Variants in CDH12 observed in about 807,000 individuals in gnomAD.
CDH12 encodes cadherin 12, also known as cadherin-12.
A neutral mutation model predicts 74.1 loss-of-function variants in CDH12; 41 were observed. The ratio of observed to expected loss-of-function variants is 0.55; its 90% CI spans 0.43 to 0.72. CDH12 has a LOEUF of 0.72. CDH12 is among the 30% of genes least tolerant of loss of function. The pLI, the probability that CDH12 is intolerant of heterozygous loss-of-function variation, is 0.00. For synonymous variants in CDH12, 399 were observed against 355.0 expected (o/e 1.12, Z -1.39); for missense variants, 945 against 977.2 (o/e 0.97, Z 0.44).
chr5:22,793,413 T>C (rs1285340852), intron 1 of CDH12, among the ~76,000 whole-genome samples: 1 of 152,236 alleles, frequency 6.6e-6, no homozygotes, highest in African/African-American at 2.4e-5. Context: ...GTTTTCAAGT[T>C]ACCACTTTAA....
chr5:22,691,658 C>G (rs1742089658), intron 1 of CDH12, among the ~76,000 whole-genome samples: 1 of 152,152 alleles, frequency 6.6e-6, no homozygotes, highest in Admixed American at 6.5e-5. Flanking sequence ...TATAATGCCT[C>G]CAGTGGAAGC....
chr5:21,889,614 G>A lies in CDH12; in HGVS notation c.527-34824C>T, dbSNP rs760903921. 4.1e-6 allele frequency: 4 copies of A among 985,192 alleles called. No individual in the cohort carries two copies. In the South Asian group the frequency reaches 1.4e-4, roughly 35 times the overall value. The allele number at this position is 985,192 out of a possible 1,614,324, so 61.0% of individuals were successfully genotyped here. On this transcript the variant is annotated intron_variant, in intron 6 of 14. Coordinates refer to ENST00000382254, the MANE Select transcript of CDH12 (RefSeq NM_004061.5). The stretch of plus-strand genomic sequence containing the variant: ...AGAAGCCTCTTTCCAGTCTGTGTTC[G>A]CATGTGTGTGGCTTTGATAACACAG...
chr5:22,782,432 TTC>T (rs1431201856), intron 1 of CDH12, among the ~76,000 whole-genome samples: 1 of 152,106 alleles, frequency 6.6e-6, no homozygotes, highest in Non-Finnish European at 1.5e-5. Context: ...TTCCCCAGCG[TTC>T]TCTCTCTCCT....
chr5:22,754,175 A>G (rs1482823762), intron 1 of CDH12, among the ~76,000 whole-genome samples: 1 of 152,246 alleles, frequency 6.6e-6, no homozygotes, highest in Non-Finnish European at 1.5e-5. Flanking sequence ...AAGAAATTGA[A>G]TCAGTAAAAA....
chr5:22,304,671 G>A (rs1412804084), intron 3 of CDH12, among the ~76,000 whole-genome samples: 2 of 152,142 alleles, frequency 1.3e-5, no homozygotes, highest in Non-Finnish European at 2.9e-5. Flanking sequence ...TCATTTAGAT[G>A]TGCAAGTTAC....
rs1040244196 is a variant in CDH12, at chr5:22,107,109, C to A, written c.-186-28247G>T. Among the ~76,000 whole-genome samples, 11 of 150,976 alleles carry A rather than the reference C, an allele frequency of 7.3e-5. No homozygotes were observed. The East Asian group carries it at 2.1e-3, about 29-fold the overall frequency. On this transcript the variant is annotated intron_variant, in intron 4 of 14. Coordinates refer to ENST00000382254, the MANE Select transcript of CDH12 (RefSeq NM_004061.5). ...AAGGATGTCAAAATTAGCCTTGGGACAATGCCACAATGCCACATTTCTACT... is the reference window on the plus strand; with the variant it reads ...AAGGATGTCAAAATTAGCCTTGGGAAAATGCCACAATGCCACATTTCTACT...
chr5:22,705,827 T>C (rs1373568495), intron 1 of CDH12, among the ~76,000 whole-genome samples: 4 of 152,176 alleles, frequency 2.6e-5, no homozygotes, highest in Non-Finnish European at 4.4e-5. Flanking sequence ...TTAATAAGAC[T>C]AAAAATGATG....
intron 3 of CDH12, among the ~76,000 whole-genome samples, chr5:22,273,728 G>A (rs1736505482): frequency 6.6e-6 from 1 of 152,082 alleles, no homozygotes; most frequent in Non-Finnish European, 1.5e-5. Flanking sequence ...TTTGATTTTG[G>A]TGGGATTATT....
intron 4 of CDH12, among the ~76,000 whole-genome samples, chr5:22,098,014 C>G (rs1345217092): frequency 6.6e-6 from 1 of 152,170 alleles, no homozygotes; most frequent in Non-Finnish European, 1.5e-5. Flanking sequence ...CTATCCACCC[C>G]ATGGTGCCAA....
chr5:22,593,844 T>C lies in CDH12; in HGVS notation c.-522-88480A>G, dbSNP rs78902417. 3.7e-3 allele frequency among the ~76,000 whole-genome samples: 565 copies of C among 152,356 alleles called. 4 individuals carry two copies. The highest frequency in any genetic ancestry group is 0.013 in the African/African-American group (543 of 41,590). On this transcript the variant is annotated intron_variant, in intron 1 of 14. Transcript: ENST00000382254. ...TGTTGCCTACAATAAGGGTTCTTAC[T>C]CTTTGTTCTCATAATGCTGCTTTTA...
chr5:22,719,960 C>T (rs969165994), intron 1 of CDH12, among the ~76,000 whole-genome samples: 4 of 152,074 alleles, frequency 2.6e-5, no homozygotes, highest in African/African-American at 4.8e-5. Context: ...TCCTTGAAGA[C>T]ACTTGGGGCC....
chr5:22,327,806 T>A (rs1456991515), intron 3 of CDH12, among the ~76,000 whole-genome samples: 1 of 152,184 alleles, frequency 6.6e-6, no homozygotes, highest in Non-Finnish European at 1.5e-5. Flanking sequence ...TTTTTAAAAA[T>A]CTTCGCTTAA....
At chr5:22,072,438 G>A (rs1002636614) in intron 5 of CDH12, among the ~76,000 whole-genome samples, 2 of 151,708 alleles carry the variant, frequency 1.3e-5, no homozygotes, top group Non-Finnish European at 2.9e-5. Flanking sequence ...CTCATCTCAG[G>A]TACTTCCTCA....
chr5:22,751,697 T>C (rs1745586087), intron 1 of CDH12, among the ~76,000 whole-genome samples: 1 of 152,174 alleles, frequency 6.6e-6, no homozygotes, highest in Non-Finnish European at 1.5e-5. Context: ...TGTTCACTGA[T>C]ATTTCTGAAG....
chr5:22,010,338 T>C (rs1270551346), intron 5 of CDH12, among the ~76,000 whole-genome samples: 1 of 152,218 alleles, frequency 6.6e-6, no homozygotes, highest in East Asian at 1.9e-4. Context: ...ACTTTTCCTG[T>C]GATCATGAGA....
At position 21,947,078 on chromosome 5, in the gene CDH12, A is replaced by G. The variant is rs1181266853; in HGVS notation, c.526+28013T>C. 2.0e-5 allele frequency among the ~76,000 whole-genome samples: 3 copies of G among 152,190 alleles called. No homozygotes were observed. The East Asian group carries it at 5.8e-4, about 29-fold the overall frequency. On this transcript the variant is annotated intron_variant, in intron 6 of 14. Coordinates refer to ENST00000382254, the MANE Select transcript of CDH12 (RefSeq NM_004061.5). ...CTCCTGTTGCCTTGTGAAGAAGCCA[A>G]CTGCTTTTATTCCACCATGATTGTA...
chr5:22,345,000 T>C (rs1740048160), intron 3 of CDH12, among the ~76,000 whole-genome samples: 1 of 152,204 alleles, frequency 6.6e-6, no homozygotes, highest in Admixed American at 6.5e-5. Flanking sequence ...ATTTCTGTAA[T>C]TGGCATACAT....
At chr5:22,480,120 G>T (rs1171987658) in intron 2 of CDH12, among the ~76,000 whole-genome samples, 2 of 152,130 alleles carry the variant, frequency 1.3e-5, no homozygotes, top group East Asian at 3.8e-4. Flanking sequence ...TGTTCACACA[G>T]ATCATGGCAG....
intron 3 of CDH12, among the ~76,000 whole-genome samples, chr5:22,367,392 T>C (rs899162448): frequency 1.3e-5 from 2 of 152,256 alleles, no homozygotes; most frequent in African/African-American, 4.8e-5. Flanking sequence ...ACAAATTTGC[T>C]GTCTAGAATG....
Sources: gnomAD v4.1 joint callset for allele counts (sites outside exome capture counted in the v4.1 genomes callset) on GRCh38, gnomAD v4.1.1 for gene constraint, MANE v1.5 for transcripts, NCBI Gene and HGNC (gene_info 2026-07-23, HGNC 2026-07-21) for gene names.